The following SAMD5 variants were observed in gnomAD, a reference collection of about 807,000 sequenced individuals.
SAMD5 encodes the protein sterile alpha motif domain containing 5.
In SAMD5, 13 loss-of-function variants were observed where a neutral mutation model predicts 11.3. The ratio of observed to expected loss-of-function variants is 1.15; its 90% CI spans 0.75 to 1.83. The LOEUF (loss-of-function observed/expected upper bound fraction) is 1.83, where lower values mean the gene tolerates loss of function less well. Among genes scored for constraint, SAMD5 ranks in the 40% most tolerant of loss-of-function variants. The pLI is 0.00. For synonymous variants in SAMD5, 129 were observed against 111.3 expected, an observed-to-expected ratio of 1.16 and a Z score of -1.00; for missense variants, 255 against 239.1, an observed-to-expected ratio of 1.07 and a Z score of -0.44.
chr6:147,564,652 G>T lies in SAMD5; in HGVS notation c.*196G>T. On this transcript the variant is annotated 3_prime_UTR_variant, in exon 2 of 2. Transcript: ENST00000367474. ...ACTGGCTTATAACAGCTAGAAATAA[G>T]GCAGTGAACTATCACGCATAAAGAA... 1 of 1,363,250 alleles carries T rather than the reference G, an allele frequency of 7.3e-7. No individual in the cohort carries two copies. The highest frequency in any genetic ancestry group is 9.5e-7 in the Non-Finnish European group (1 of 1,057,366). 84.4% of individuals were successfully genotyped at this position (1,363,250 alleles called of 1,614,324 possible). A position where few individuals can be genotyped will look rare whatever the true frequency, so the allele number is the denominator to read the frequency against.
chr6:147,781,143 G>A, the SAMD5 span, among the ~76,000 whole-genome samples: 1 of 149,190 alleles, frequency 6.7e-6, no homozygotes, highest in Non-Finnish European at 1.5e-5. Context: ...TCGATGGTTG[G>A]TTTGGTTTTG....
At chr6:147,674,490 C>T (rs1790837120) in intron 1 of SAMD5, among the ~76,000 whole-genome samples, 2 of 152,288 alleles carry the variant, frequency 1.3e-5, no homozygotes, top group African/African-American at 4.8e-5. Context: ...ATCTGGCGGG[C>T]ATTCTCTAAT....
At chr6:147,862,375 T>C in the SAMD5 span, among the ~76,000 whole-genome samples, 1 of 152,320 alleles carries the variant, frequency 6.6e-6, no homozygotes, top group South Asian at 2.1e-4. Flanking sequence ...CAAAGCTCTC[T>C]AGAATTTATC....
At chr6:147,882,388 G>A in the SAMD5 span, among the ~76,000 whole-genome samples, 1 of 152,202 alleles carries the variant, frequency 6.6e-6, no homozygotes, top group Admixed American at 6.5e-5. Flanking sequence ...AAAAGTCACA[G>A]TGTGTAGTCA....
intron 1 of SAMD5, among the ~76,000 whole-genome samples, chr6:147,514,605 G>A (rs992589154): frequency 6.6e-6 from 1 of 151,996 alleles, no homozygotes; most frequent in Non-Finnish European, 1.5e-5. Context: ...TAGGGTTGTG[G>A]CAGATGTGAA....
At chr6:147,601,824 C>G (rs1396936630) in intron 1 of SAMD5, among the ~76,000 whole-genome samples, 1 of 152,158 alleles carries the variant, frequency 6.6e-6, no homozygotes. Flanking sequence ...ACCGTGAATG[C>G]AATTATGCAT....
chr6:147,575,667 A>G (rs1789207006), intron 1 of SAMD5, among the ~76,000 whole-genome samples: 1 of 152,208 alleles, frequency 6.6e-6, no homozygotes, highest in African/African-American at 2.4e-5. Context: ...TATATTAGTC[A>G]TTTTGCGTGT....
At chr6:147,783,445 G>A in the SAMD5 span, among the ~76,000 whole-genome samples, 6 of 151,982 alleles carry the variant, frequency 3.9e-5, no homozygotes, top group South Asian at 2.1e-4. Context: ...CCAGGCTAGC[G>A]TGCAGTGGCA....
At chr6:147,663,897 A>G (rs759017626) in intron 1 of SAMD5, among the ~76,000 whole-genome samples, 1 of 150,108 alleles carries the variant, frequency 6.7e-6, no homozygotes, top group African/African-American at 2.5e-5. Context: ...AATTTTTTAC[A>G]TGTAAATTTT....
the SAMD5 span, among the ~76,000 whole-genome samples, chr6:147,951,343 G>A: frequency 5.3e-5 from 8 of 151,822 alleles, no homozygotes; most frequent in Admixed American, 2.0e-4. Flanking sequence ...CAACACGCCC[G>A]GCTAATTTTT....
chr6:147,934,212 A>G, the SAMD5 span, among the ~76,000 whole-genome samples: 4 of 152,230 alleles, frequency 2.6e-5, no homozygotes, highest in Non-Finnish European at 4.4e-5. Flanking sequence ...AAGTCATTCT[A>G]TAATAGGAGA....
rs1562323057 is a variant in SAMD5 at position 147,568,603 on chromosome 6, T to C, written c.*4147T>C. ...TAGGAATTTTTTATATCAGCTGACA[T>C]CTTGTGCTTACAGTAAAGCCATATA... On this transcript the variant is annotated 3_prime_UTR_variant, in exon 2 of 2. Transcript: ENST00000367474. The C allele has an allele frequency of 3.0e-6, 3 of 985,344 alleles. No homozygotes were observed. The South Asian group carries it at 1.4e-4, about 46-fold the overall frequency. 61.0% of individuals were successfully genotyped at this position (985,344 alleles called of 1,614,324 possible). A position where few individuals can be genotyped will look rare whatever the true frequency, so the allele number is the denominator to read the frequency against.
chr6:147,867,436 A>G, the SAMD5 span, among the ~76,000 whole-genome samples: 1 of 151,978 alleles, frequency 6.6e-6, no homozygotes, highest in Non-Finnish European at 1.5e-5. Context: ...TTTTTTCTTA[A>G]GCTTTAGAAA....
chr6:147,609,415 A>T (rs1202635315), intron 1 of SAMD5, among the ~76,000 whole-genome samples: 1 of 152,220 alleles, frequency 6.6e-6, no homozygotes, highest in African/African-American at 2.4e-5. Context: ...GAACTGTGAG[A>T]CAATCAATCT....
intron 1 of SAMD5, among the ~76,000 whole-genome samples, chr6:147,622,737 G>T (rs1010032922): frequency 1.6e-4 from 24 of 152,136 alleles, no homozygotes; most frequent in African/African-American, 5.8e-4. Context: ...TTTGGTTCTT[G>T]TATTAGTCCA....
chr6:147,952,852 A>G, the SAMD5 span, among the ~76,000 whole-genome samples: 1 of 152,328 alleles, frequency 6.6e-6, no homozygotes, highest in Middle Eastern at 3.4e-3. Flanking sequence ...TATGAAATAA[A>G]ACTTGGAGAG....
chr6:147,529,703 A>G (rs913631997), intron 1 of SAMD5, among the ~76,000 whole-genome samples: 3 of 152,188 alleles, frequency 2.0e-5, no homozygotes, highest in Admixed American at 2.0e-4. Context: ...TCCACCTCTA[A>G]GTAAAGCATT....
intron 1 of SAMD5, among the ~76,000 whole-genome samples, chr6:147,646,150 T>G (rs1166090876): frequency 6.6e-6 from 1 of 152,014 alleles, no homozygotes; most frequent in African/African-American, 2.4e-5. Context: ...AGTCAAAAAT[T>G]CAAGTATAGC....
chr6:147,927,754 G>C, the SAMD5 span, among the ~76,000 whole-genome samples: 5 of 152,246 alleles, frequency 3.3e-5, 1 homozygote, highest in South Asian at 8.3e-4. Flanking sequence ...AGTTTGCAAG[G>C]GGAATGCTTA....
Sources: gnomAD v4.1 joint callset for allele counts (sites outside exome capture counted in the v4.1 genomes callset) on GRCh38, gnomAD v4.1.1 for gene constraint, MANE v1.5 for transcripts, NCBI Gene and HGNC (gene_info 2026-07-23, HGNC 2026-07-21) for gene names.